Variants in TRPM3 observed in about 807,000 individuals in gnomAD.
TRPM3 encodes the protein long transient receptor potential channel 3.
A neutral mutation model predicts 181.2 loss-of-function variants in TRPM3; 77 were observed. The ratio of observed to expected loss-of-function variants is 0.42; its 90% CI spans 0.35 to 0.51. The LOEUF is 0.51. TRPM3 is among the 20% of genes least tolerant of loss of function. The pLI is 0.01. For synonymous variants in TRPM3, 745 were observed against 796.4 expected (o/e 0.94, Z 1.09); for missense variants, 1,759 against 2,196.7 (o/e 0.80, Z 3.98).
intron 1 of TRPM3, among the ~76,000 whole-genome samples, chr9:70,870,949 T>A (rs1223309959): frequency 1.3e-5 from 2 of 152,014 alleles, no homozygotes; most frequent in African/African-American, 4.8e-5. Context: ...AGAAAATATT[T>A]TTTTTCAACT....
At chr9:71,406,727 A>G (rs997037548) in intron 1 of TRPM3, among the ~76,000 whole-genome samples, 3 of 152,148 alleles carry the variant, frequency 2.0e-5, no homozygotes, top group African/African-American at 7.2e-5. Context: ...AAGAACCATA[A>G]CAAGCAGTTT....
chr9:71,091,271 G>A (rs1292143507), intron 1 of TRPM3, among the ~76,000 whole-genome samples: 2 of 152,018 alleles, frequency 1.3e-5, no homozygotes, highest in African/African-American at 2.4e-5. Context: ...TGGTCTTTGT[G>A]GTGGTTATCT....
intron 6 of TRPM3, among the ~76,000 whole-genome samples, chr9:70,806,049 C>T (rs533124620): frequency 6.2e-4 from 95 of 152,294 alleles, no homozygotes; most frequent in African/African-American, 2.1e-3. Context: ...TTTTTTCACC[C>T]TGCCTCGTTC....
intron 9 of TRPM3, among the ~76,000 whole-genome samples, chr9:70,672,285 C>T (rs1005112753): frequency 3.3e-5 from 5 of 152,112 alleles, no homozygotes; most frequent in Admixed American, 6.5e-5. Flanking sequence ...ACTCCCGGGA[C>T]CTTTCTGTTG....
chr9:70,622,388 G>A (rs2063761391), intron 14 of TRPM3, among the ~76,000 whole-genome samples: 1 of 152,218 alleles, frequency 6.6e-6, no homozygotes. Flanking sequence ...AACCTCTGAA[G>A]AGCCTCTATT....
At chr9:71,375,925 C>T (rs769677967) in intron 1 of TRPM3, among the ~76,000 whole-genome samples, 12 of 152,064 alleles carry the variant, frequency 7.9e-5, no homozygotes, top group Non-Finnish European at 1.8e-4. Flanking sequence ...GTAAACATAA[C>T]ACTTATATGT....
At chr9:70,781,944 C>A (rs7847799) in intron 7 of TRPM3, among the ~76,000 whole-genome samples, 1 of 151,634 alleles carries the variant, frequency 6.6e-6, no homozygotes, top group Non-Finnish European at 1.5e-5. Context: ...ACCTGAGAAA[C>A]CTGAAATGCT....
At chr9:70,883,066 G>T (rs2096022731) in intron 1 of TRPM3, among the ~76,000 whole-genome samples, 1 of 152,102 alleles carries the variant, frequency 6.6e-6, no homozygotes, top group African/African-American at 2.4e-5. Context: ...ATATGTAAGA[G>T]TACAAAATCC....
At chr9:71,418,917 T>A (rs2093683633) in intron 1 of TRPM3, among the ~76,000 whole-genome samples, 1 of 68,722 alleles carries the variant, frequency 1.5e-5, no homozygotes, top group African/African-American at 3.5e-5. Context: ...TGTATATATA[T>A]GTGTGTGTGT....
intron 1 of TRPM3, among the ~76,000 whole-genome samples, chr9:71,336,783 C>T (rs2090586689): frequency 3.3e-5 from 5 of 152,100 alleles, no homozygotes; most frequent in Admixed American, 3.3e-4. Context: ...GAACAGAGGC[C>T]TCAGAAATAA....
intron 6 of TRPM3, among the ~76,000 whole-genome samples, chr9:70,807,438 T>A (rs2090941750): frequency 6.6e-6 from 1 of 152,220 alleles, no homozygotes; most frequent in Non-Finnish European, 1.5e-5. Flanking sequence ...TATTTATTTA[T>A]CCTGAGTCTT....
chr9:71,114,654 T>A (rs80300350), intron 1 of TRPM3, among the ~76,000 whole-genome samples: 1,632 of 152,284 alleles, frequency 0.011, 27 homozygotes, highest in African/African-American at 0.035. Context: ...GGGCATCAGT[T>A]ATGGCTGCTT....
chr9:70,784,804 T>C (rs1346564727), intron 6 of TRPM3, among the ~76,000 whole-genome samples: 1 of 152,208 alleles, frequency 6.6e-6, no homozygotes, highest in Admixed American at 6.5e-5. Context: ...TTTAACTTGT[T>C]GAATCAACTA....
intron 1 of TRPM3, among the ~76,000 whole-genome samples, chr9:70,976,236 A>G (rs1291287483): frequency 6.6e-6 from 1 of 152,200 alleles, no homozygotes; most frequent in Non-Finnish European, 1.5e-5. Flanking sequence ...AGGTGGATTG[A>G]GCATCCTCTC....
intron 8 of TRPM3, among the ~76,000 whole-genome samples, chr9:70,692,945 T>C (rs2069041470): frequency 6.6e-6 from 1 of 152,234 alleles, no homozygotes; most frequent in Admixed American, 6.5e-5. Context: ...CAAGCCTCCC[T>C]GGACCTATGA....
chr9:70,763,875 G>A (rs2078613655), intron 7 of TRPM3, among the ~76,000 whole-genome samples: 1 of 152,174 alleles, frequency 6.6e-6, no homozygotes, highest in Non-Finnish European at 1.5e-5. Flanking sequence ...CTCTTCTGAG[G>A]AAGTGCTGTT....
At chr9:70,566,023 T>C (rs1242387993) in intron 22 of TRPM3, among the ~76,000 whole-genome samples, 1 of 152,208 alleles carries the variant, frequency 6.6e-6, no homozygotes, top group Non-Finnish European at 1.5e-5. Flanking sequence ...GTGCTCGGGA[T>C]GCATCAGTGA....
At chr9:70,798,610 G>A (rs1346778901) in intron 6 of TRPM3, among the ~76,000 whole-genome samples, 2 of 152,042 alleles carry the variant, frequency 1.3e-5, no homozygotes, top group African/African-American at 2.4e-5. Context: ...ATAACATTCT[G>A]GTTCTTACAG....
chr9:71,243,308 G>A (rs1246807583), intron 1 of TRPM3, among the ~76,000 whole-genome samples: 1 of 152,204 alleles, frequency 6.6e-6, no homozygotes, highest in African/African-American at 2.4e-5. Flanking sequence ...ACAGGCATGA[G>A]CCATGGTACC....
Sources: allele counts gnomAD v4.1 joint callset (sites outside exome capture counted in the v4.1 genomes callset), GRCh38; gene constraint gnomAD v4.1.1; transcripts MANE v1.5; gene names NCBI Gene and HGNC (gene_info 2026-07-23, HGNC 2026-07-21).